UNC5D: variants seen among roughly 807,000 people sequenced by gnomAD.
UNC5D encodes unc-5 netrin receptor D, also known as netrin receptor UNC5D.
A neutral mutation model predicts 105.4 loss-of-function variants in UNC5D; 39 were observed. That is an observed-to-expected ratio of 0.37 (90% CI 0.29 to 0.48). The LOEUF is 0.48. Ranked by LOEUF, UNC5D falls within the 20% of genes least tolerant of loss-of-function variation. UNC5D has a pLI of 0.98. For missense variants in UNC5D, 991 were observed against 1,202.4 expected (o/e 0.82, Z 2.60); for synonymous variants, 452 against 450.4 (o/e 1.00, Z -0.04).
chr8:35,278,202 C>T (rs189385471), intron 1 of UNC5D, among the ~76,000 whole-genome samples: 32 of 152,248 alleles, frequency 2.1e-4, no homozygotes, highest in Admixed American at 1.2e-3. Context: ...CCTGCTGTGC[C>T]GCCCAGATGC....
intron 1 of UNC5D, among the ~76,000 whole-genome samples, chr8:35,294,091 C>G (rs1807283569): frequency 6.6e-6 from 1 of 152,152 alleles, no homozygotes; most frequent in Non-Finnish European, 1.5e-5. Flanking sequence ...TCCAGGCCTT[C>G]TTGTTATGTA....
At chr8:35,683,936 A>G (rs1752180990) in intron 5 of UNC5D, among the ~76,000 whole-genome samples, 2 of 152,176 alleles carry the variant, frequency 1.3e-5, no homozygotes, top group South Asian at 4.1e-4. Flanking sequence ...TTGCACTTCC[A>G]TGTGATAGTC....
intron 1 of UNC5D, among the ~76,000 whole-genome samples, chr8:35,341,999 C>T (rs1811486591): frequency 6.6e-6 from 1 of 151,916 alleles, no homozygotes; most frequent in African/African-American, 2.4e-5. Flanking sequence ...TAGGTCTTCT[C>T]TTTTTTTTCC....
intron 8 of UNC5D, among the ~76,000 whole-genome samples, chr8:35,715,757 G>A (rs931085927): frequency 2.6e-5 from 4 of 151,814 alleles, no homozygotes; most frequent in Non-Finnish European, 5.9e-5. Flanking sequence ...AATAATGAAT[G>A]AGGCCAGGTC....
intron 1 of UNC5D, among the ~76,000 whole-genome samples, chr8:35,546,047 CA>C (rs1815650217): frequency 6.6e-6 from 1 of 152,024 alleles, no homozygotes; most frequent in South Asian, 2.1e-4. Flanking sequence ...CGCATGCATC[CA>C]GCTAATTTTT....
intron 1 of UNC5D, among the ~76,000 whole-genome samples, chr8:35,270,899 T>C (rs574717322): frequency 2.8e-5 from 4 of 144,026 alleles, no homozygotes; most frequent in Non-Finnish European, 3.0e-5. Context: ...TTTCTTTAAC[T>C]TTTAACATTG....
intron 8 of UNC5D, among the ~76,000 whole-genome samples, chr8:35,709,053 A>C (rs2131469692): frequency 6.6e-6 from 1 of 151,914 alleles, no homozygotes; most frequent in Admixed American, 6.6e-5. Flanking sequence ...ACAATTCATC[A>C]CAATCTGACT....
At chr8:35,473,342 C>G (rs1258711490) in intron 1 of UNC5D, among the ~76,000 whole-genome samples, 1 of 152,138 alleles carries the variant, frequency 6.6e-6, no homozygotes, top group African/African-American at 2.4e-5. Context: ...TCCATGAGGA[C>G]AGGAATTTTT....
intron 16 of UNC5D, among the ~76,000 whole-genome samples, chr8:35,782,999 C>T (rs1473934719): frequency 1.3e-5 from 2 of 151,746 alleles, no homozygotes; most frequent in African/African-American, 4.8e-5. Flanking sequence ...AAAAATTAGC[C>T]GGGCATGGTG....
At chr8:35,721,175 T>A (rs1323653737) in intron 8 of UNC5D, among the ~76,000 whole-genome samples, 1 of 152,202 alleles carries the variant, frequency 6.6e-6, no homozygotes, top group Non-Finnish European at 1.5e-5. Context: ...ACTTACCACA[T>A]AATCTGTAGG....
At chr8:35,543,211 A>G (rs1458776115) in intron 1 of UNC5D, among the ~76,000 whole-genome samples, 2 of 151,792 alleles carry the variant, frequency 1.3e-5, no homozygotes, top group Admixed American at 1.3e-4. Flanking sequence ...TGAAAAGAAA[A>G]GCATACTTTG....
chr8:35,652,915 ATTTTTTTTT>A (rs34611902), intron 4 of UNC5D, among the ~76,000 whole-genome samples: 7 of 49,158 alleles, frequency 1.4e-4, no homozygotes, highest in South Asian at 7.7e-4. Flanking sequence ...ACAAGTGAGG[ATTTTTTTTT>A]TTTTTTTTTT....
intron 7 of UNC5D, among the ~76,000 whole-genome samples, chr8:35,693,724 C>G (rs758975838): frequency 2.0e-5 from 3 of 152,126 alleles, no homozygotes; most frequent in Non-Finnish European, 4.4e-5. Flanking sequence ...TTTCCCATTG[C>G]TACCCACTTT....
intron 8 of UNC5D, among the ~76,000 whole-genome samples, chr8:35,716,840 G>GA (rs952387547): frequency 2.6e-5 from 4 of 151,890 alleles, no homozygotes; most frequent in African/African-American, 7.3e-5. Flanking sequence ...CAAATTAAAG[G>GA]AAAAAAAATG....
At chr8:35,678,539 C>T (rs1825431123) in intron 4 of UNC5D, among the ~76,000 whole-genome samples, 2 of 152,158 alleles carry the variant, frequency 1.3e-5, no homozygotes, top group Admixed American at 6.5e-5. Context: ...GTTAAGACTT[C>T]TATAAACACT....
At chr8:35,757,463 G>T (rs973523239) in intron 13 of UNC5D, among the ~76,000 whole-genome samples, 1 of 152,084 alleles carries the variant, frequency 6.6e-6, no homozygotes, top group Middle Eastern at 3.4e-3. Context: ...TTATTTCAAC[G>T]TTTGGCTCAA....
chr8:35,502,587 C>A (rs1837348), intron 1 of UNC5D, among the ~76,000 whole-genome samples: 23,895 of 152,088 alleles, frequency 0.16, 2,446 homozygotes, highest in East Asian at 0.27. Context: ...GAGATGGAAT[C>A]TTGCTCTGTT....
chr8:35,239,216 G>T (rs1802654149), intron 1 of UNC5D, among the ~76,000 whole-genome samples: 1 of 152,110 alleles, frequency 6.6e-6, no homozygotes, highest in Admixed American at 6.5e-5. Flanking sequence ...TGGGTCTGTG[G>T]TTCTTTAAGT....
intron 7 of UNC5D, among the ~76,000 whole-genome samples, chr8:35,705,325 A>C (rs1265605458): frequency 6.6e-6 from 1 of 152,202 alleles, no homozygotes; most frequent in African/African-American, 2.4e-5. Context: ...TGTGATTATA[A>C]AATGACAACT....
Sources: allele counts gnomAD v4.1 joint callset (sites outside exome capture counted in the v4.1 genomes callset), GRCh38; gene constraint gnomAD v4.1.1; transcripts MANE v1.5; gene names NCBI Gene and HGNC (gene_info 2026-07-23, HGNC 2026-07-21).